TXNDC15: variants seen among roughly 807,000 people sequenced by gnomAD.
TXNDC15 encodes the protein thioredoxin domain-containing protein 15.
In TXNDC15, 24 loss-of-function variants were observed where a neutral mutation model predicts 35.0. The ratio of observed to expected loss-of-function variants is 0.68; its 90% CI spans 0.50 to 0.96. The LOEUF is 0.96. TXNDC15 is among the 40% of genes least tolerant of loss of function. The probability of loss-of-function intolerance (pLI) is 0.00; values close to 1 mark genes in which losing one functional copy is unlikely to be tolerated. For missense variants in TXNDC15, 385 were observed against 453.3 expected (o/e 0.85, Z 1.37); for synonymous variants, 169 against 174.0 (o/e 0.97, Z 0.23).
chr5:134,874,802 A>G (rs1749999421), intron 1 of TXNDC15, among the ~76,000 whole-genome samples: 1 of 152,268 alleles, frequency 6.6e-6, no homozygotes, highest in Non-Finnish European at 1.5e-5. Context: ...CAGGAGGGAC[A>G]GTGCGGTAAG....
At chr5:134,898,287 T>A (rs1447897430) in intron 4 of TXNDC15, among the ~76,000 whole-genome samples, 2 of 152,246 alleles carry the variant, frequency 1.3e-5, no homozygotes, top group Non-Finnish European at 2.9e-5. Context: ...CATTTATTAA[T>A]CCATTTGTAG....
Position 134,887,850 on chromosome 5 carries a change from C to G in TXNDC15, c.259C>G (p.Gln87Glu). 6.2e-7 allele frequency: 1 copy of G among 1,614,186 alleles called. No individual in the cohort carries two copies. The highest frequency in any genetic ancestry group is 8.5e-7 in the Non-Finnish European group (1 of 1,180,032). ...CAATGCGGTGCTGGGGCTGGACACC[C>G]AAGGCGATCACATGGTGATGCTGTC... ...EANAVLGLDT[Q>E]GDHMVMLSVI... Residue 87 changes from glutamine to glutamate, a missense_variant, in exon 2 of 5, where the codon CAA becomes GAA. By Grantham distance (29) the Gln-to-Glu change is conservative (BLOSUM62 2). Coordinates refer to ENST00000358387, the MANE Select transcript of TXNDC15 (RefSeq NM_024715.4).
chr5:134,889,452 G>T (rs988799494), intron 2 of TXNDC15, among the ~76,000 whole-genome samples: 2 of 152,154 alleles, frequency 1.3e-5, no homozygotes, highest in African/African-American at 4.8e-5. Context: ...TCAAATTCCC[G>T]ACCTCAACTG....
chr5:134,887,831 G>A lies in TXNDC15; in HGVS notation c.240G>A (p.Ala80=), dbSNP rs143218475. 6.9e-4 allele frequency: 1,115 copies of A among 1,614,186 alleles called. No homozygotes were observed. The highest frequency in any genetic ancestry group is 1.5e-3 in the Middle Eastern group (9 of 6,062). Reference sequence around the variant, plus strand: ...ACAGGGCAGCAGAAGAGGCCAATGCGGTGCTGGGGCTGGACACCCAAGGCG... The same window carrying A: ...ACAGGGCAGCAGAAGAGGCCAATGCAGTGCTGGGGCTGGACACCCAAGGCG... ...GQDRAAEEAN[A]VLGLDTQGDH... is the part of the protein sequence containing the mutation. The change falls in exon 2 of 5, where the codon GCG becomes GCA. Residue 80 remains alanine (A), a synonymous_variant. Transcript: ENST00000358387.
chr5:134,899,515 G>T lies in TXNDC15; in HGVS notation c.913G>T (p.Val305Leu), dbSNP rs1464022092. 1 of 1,613,214 alleles carries T rather than the reference G, an allele frequency of 6.2e-7. No homozygotes were observed. The highest frequency in any genetic ancestry group is 1.3e-5 in the African/African-American group (1 of 74,846). ...TGIEAKKNVV[V>L]TQADQIGPLP... ...TATAGAAGCCAAGAAGAATGTGGTG[G>T]TAACTCAAGCCGACCAAATAGGCCC... Residue 305 changes from valine (V) to leucine (L), a missense_variant, in exon 5 of 5, where the codon GTA becomes TTA. Coordinates refer to ENST00000358387, the MANE Select transcript of TXNDC15 (RefSeq NM_024715.4).
chr5:134,896,093 A>G (rs1722510613), intron 3 of TXNDC15: 2 of 474,696 alleles, frequency 4.2e-6, no homozygotes, highest in Admixed American at 4.1e-5. Flanking sequence ...CTCAGATTGC[A>G]GAAAAGGAGT....
chr5:134,899,865 T>C lies in TXNDC15; in HGVS notation c.*180T>C, dbSNP rs2150192186. ...TATAAACTGGTGTTTTAACTAGTAT[T>C]GCAATAAGCAAATGCAAAAATATTC... On this transcript the variant is annotated 3_prime_UTR_variant, in exon 5 of 5. Coordinates refer to ENST00000358387, the MANE Select transcript of TXNDC15 (RefSeq NM_024715.4). 1.9e-6 allele frequency: 1 copy of C among 536,604 alleles called. No homozygotes were observed. Among genetic ancestry groups the C allele is most frequent in the East Asian group, 3.2e-5 (1 of 30,836 alleles). 33.2% of individuals were successfully genotyped at this position (536,604 alleles called of 1,614,324 possible).
intron 1 of TXNDC15, among the ~76,000 whole-genome samples, chr5:134,880,440 A>ATT (rs113856964): frequency 5.5e-4 from 78 of 142,478 alleles, no homozygotes; most frequent in African/African-American, 1.6e-3. Flanking sequence ...TTCACTTATT[A>ATT]TTTTTTTTTT....
At chr5:134,874,567 G>A (rs1242527007) in intron 1 of TXNDC15, 37 bp downstream of exon 1, 2 of 1,520,420 alleles carry the variant, frequency 1.3e-6, no homozygotes, top group Non-Finnish European at 1.8e-6. Context: ...GAGATGATGG[G>A]GCGAGCTGAG....
intron 4 of TXNDC15, among the ~76,000 whole-genome samples, chr5:134,897,639 A>G (rs919136209): frequency 1.3e-5 from 2 of 152,232 alleles, no homozygotes; most frequent in Admixed American, 1.3e-4. Flanking sequence ...TTTTCACTTA[A>G]TATTTACACA....
Position 134,879,792 on chromosome 5 carries a change from GC to G in TXNDC15, c.103+5264del, listed in dbSNP as rs1243699822. ...CATTGCCACCTCTCCCTTCTTACCT[GC>G]CTTTTTTTTTTTTTTTTTGGATACA... On this transcript the variant is annotated intron_variant, in intron 1 of 4. Coordinates refer to ENST00000358387, the MANE Select transcript of TXNDC15 (RefSeq NM_024715.4). 2.2e-4 allele frequency among the ~76,000 whole-genome samples: 31 copies of G among 141,620 alleles called. 1 individual carries two copies. Among genetic ancestry groups the G allele is most frequent in the African/African-American group, 8.3e-4 (30 of 35,952 alleles). The allele number at this position is 141,620 out of a possible 152,430, so 92.9% of individuals were successfully genotyped here. A position where few individuals can be genotyped will look rare whatever the true frequency, so the allele number is the denominator to read the frequency against.
chr5:134,885,201 C>A (rs1254551092), intron 1 of TXNDC15, among the ~76,000 whole-genome samples: 1 of 152,154 alleles, frequency 6.6e-6, no homozygotes, highest in Non-Finnish European at 1.5e-5. Flanking sequence ...GGATTACAGG[C>A]GTGAGCCACT....
intron 1 of TXNDC15, chr5:134,875,269 C>T: frequency 2.2e-6 from 1 of 456,210 alleles, no homozygotes; most frequent in Non-Finnish European, 4.4e-6. Context: ...CCCCACTCCT[C>T]ATAGTCCTGT....
At chr5:134,891,792 G>C (rs1201531460) in intron 2 of TXNDC15, among the ~76,000 whole-genome samples, 1 of 152,070 alleles carries the variant, frequency 6.6e-6, no homozygotes. Flanking sequence ...AGGCATGGTG[G>C]TGGGCACCAG....
chr5:134,885,569 T>C (rs1258002848), intron 1 of TXNDC15, among the ~76,000 whole-genome samples: 1 of 152,196 alleles, frequency 6.6e-6, no homozygotes, highest in African/African-American at 2.4e-5. Context: ...TCTGCAGATC[T>C]CTGGAGTCCC....
chr5:134,875,030 G>A, intron 1 of TXNDC15: 1 of 415,070 alleles, frequency 2.4e-6, no homozygotes, highest in Non-Finnish European at 4.8e-6. Flanking sequence ...CTAAGTTTGC[G>A]CTTCTGATAC....
intron 1 of TXNDC15, among the ~76,000 whole-genome samples, chr5:134,882,987 C>T (rs1251369211): frequency 6.6e-6 from 1 of 152,218 alleles, no homozygotes; most frequent in Admixed American, 6.5e-5. Flanking sequence ...TTATAATTTA[C>T]GTCTTTAAAA....
intron 1 of TXNDC15, among the ~76,000 whole-genome samples, chr5:134,876,582 C>G (rs1293120409): frequency 6.6e-6 from 1 of 152,076 alleles, no homozygotes; most frequent in Non-Finnish European, 1.5e-5. Flanking sequence ...CTCAACTTGC[C>G]CAAGTTAAAT....
Position 134,899,950 on chromosome 5 carries a change from C to A in TXNDC15, c.*265C>A. The A allele has an allele frequency of 3.0e-6, 1 of 335,216 alleles. No individual in the cohort carries two copies. The highest frequency in any genetic ancestry group is 5.4e-6 in the Non-Finnish European group (1 of 186,740). 20.8% of individuals were successfully genotyped at this position (335,216 alleles called of 1,614,324 possible). ...CGTAATCCAGTATTTGGAAAGTAAT[C>A]CAGTTTGAAATGTGAAGATGTATTC... On this transcript the variant is annotated 3_prime_UTR_variant, in exon 5 of 5. Coordinates refer to ENST00000358387, the MANE Select transcript of TXNDC15 (RefSeq NM_024715.4).
Sources: gnomAD v4.1 joint callset for allele counts (sites outside exome capture counted in the v4.1 genomes callset) on GRCh38, gnomAD v4.1.1 for gene constraint, MANE v1.5 for transcripts, NCBI Gene and HGNC (gene_info 2026-07-23, HGNC 2026-07-21) for gene names.